The following STXBP6 variants were observed in gnomAD, a reference collection of about 807,000 sequenced individuals.
STXBP6 encodes the protein syntaxin-binding protein 6.
STXBP6 carries 21 observed loss-of-function variants against 26.9 expected under a neutral mutation model. That is an observed-to-expected ratio of 0.78 (90% confidence interval 0.55 to 1.12). The LOEUF is 1.12. STXBP6 is among the 50% of genes most tolerant of loss of function. STXBP6 has a pLI of 0.00. For missense variants in STXBP6, 232 were observed against 257.9 expected (o/e 0.90, Z 0.69); for synonymous variants, 97 against 92.6 (o/e 1.05, Z -0.27).
chr14:24,826,651 C>CA (rs1354591035), intron 4 of STXBP6, among the ~76,000 whole-genome samples: 2 of 152,138 alleles, frequency 1.3e-5, no homozygotes, highest in African/African-American at 2.4e-5. Context: ...TCCAGTTGGC[C>CA]ATGGGACCAC....
intron 4 of STXBP6, among the ~76,000 whole-genome samples, chr14:24,831,560 G>A (rs896627412): frequency 7.9e-5 from 12 of 152,154 alleles, no homozygotes; most frequent in African/African-American, 2.9e-4. Context: ...GAATGGTTTT[G>A]TACTAAGACA....
intron 1 of STXBP6, among the ~76,000 whole-genome samples, chr14:25,003,038 T>C (rs1786452355): frequency 6.6e-6 from 1 of 152,214 alleles, no homozygotes. Context: ...AATGTACAGA[T>C]TCTTAAATGT....
chr14:24,918,166 G>GA (rs1416822664), intron 2 of STXBP6, among the ~76,000 whole-genome samples: 1 of 151,904 alleles, frequency 6.6e-6, no homozygotes, highest in Non-Finnish European at 1.5e-5. Flanking sequence ...GGGTGGTGAT[G>GA]AAAAAAGTTA....
intron 4 of STXBP6, among the ~76,000 whole-genome samples, chr14:24,855,466 C>T (rs2069295923): frequency 6.6e-6 from 1 of 151,970 alleles, no homozygotes; most frequent in Non-Finnish European, 1.5e-5. Context: ...GCTCTGTATG[C>T]CATTCAAGGA....
At chr14:24,991,476 T>C (rs1455396489) in intron 1 of STXBP6, among the ~76,000 whole-genome samples, 1 of 152,166 alleles carries the variant, frequency 6.6e-6, no homozygotes, top group Admixed American at 6.5e-5. Context: ...TAATATGATG[T>C]TGTTAAGAGG....
intron 2 of STXBP6, among the ~76,000 whole-genome samples, chr14:24,961,990 C>G (rs1219252038): frequency 6.6e-6 from 1 of 152,132 alleles, no homozygotes; most frequent in East Asian, 1.9e-4. Context: ...TTAGAAGATG[C>G]AGATGTCTGA....
chr14:25,012,532 G>A (rs1456760960), intron 1 of STXBP6, among the ~76,000 whole-genome samples: 1 of 152,110 alleles, frequency 6.6e-6, no homozygotes, highest in African/African-American at 2.4e-5. Context: ...CCCAGGAGGT[G>A]GAGGTTGCAG....
intron 2 of STXBP6, among the ~76,000 whole-genome samples, chr14:24,915,008 T>G (rs1175123709): frequency 6.6e-6 from 1 of 152,160 alleles, no homozygotes; most frequent in Non-Finnish European, 1.5e-5. Context: ...TATCAAAAAG[T>G]TTGGTTCAAC....
chr14:25,047,766 T>G lies in STXBP6; in HGVS notation c.-33+2112A>C, dbSNP rs1426006840. ...AGTGATAATCTCACCTGTTCTTGCC[T>G]TCAATTGATACTGGCTTTTAATCTT... On this transcript the variant is annotated intron_variant, in intron 1 of 5. Transcript: ENST00000323944. 3.3e-5 allele frequency among the ~76,000 whole-genome samples: 5 copies of G among 152,356 alleles called. No individual in the cohort carries two copies. In the East Asian group the frequency reaches 9.6e-4, roughly 29 times the overall value.
chr14:24,970,016 C>T (rs1330044415), intron 2 of STXBP6, among the ~76,000 whole-genome samples: 1 of 152,022 alleles, frequency 6.6e-6, no homozygotes, highest in Non-Finnish European at 1.5e-5. Flanking sequence ...CTGAGGTGGA[C>T]GGATGGCCTG....
intron 2 of STXBP6, among the ~76,000 whole-genome samples, chr14:24,910,687 C>T (rs1485398005): frequency 6.6e-5 from 10 of 152,142 alleles, no homozygotes; most frequent in Admixed American, 6.5e-4. Flanking sequence ...GCTACTAAGA[C>T]CTAAGTTTAA....
intron 2 of STXBP6, among the ~76,000 whole-genome samples, chr14:24,882,256 G>A (rs370400537): frequency 5.4e-5 from 8 of 148,684 alleles, no homozygotes; most frequent in African/African-American, 2.5e-5. Context: ...GCGGGCGCCT[G>A]TAGTCCCAGC....
rs751551992 is a variant in STXBP6 at position 24,810,199 on chromosome 14, A to G, written c.*2510T>C. On this transcript the variant is annotated 3_prime_UTR_variant, in exon 6 of 6. Coordinates refer to ENST00000323944, the MANE Select transcript of STXBP6 (RefSeq NM_001394410.1). ...CTTCACAGAAATATAGTATCCCAAA[A>G]TTCATAGAGAAGTGCAGAAATGAAA... The G allele has an allele frequency of 6.6e-6, 1 of 152,256 alleles. No individual in the cohort carries two copies. The highest frequency in any genetic ancestry group is 1.5e-5 in the Non-Finnish European group (1 of 68,054). The allele number at this position is 152,256 out of a possible 1,614,324, so 9.4% of individuals were successfully genotyped here.
At chr14:25,041,636 A>G (rs1232455611) in intron 1 of STXBP6, among the ~76,000 whole-genome samples, 1 of 25,368 alleles carries the variant, frequency 3.9e-5, no homozygotes, top group Non-Finnish European at 7.0e-5. Context: ...TAGTCACCAG[A>G]GCGGTTATGG....
chr14:25,002,871 C>T (rs919761611), intron 1 of STXBP6, among the ~76,000 whole-genome samples: 5 of 151,826 alleles, frequency 3.3e-5, no homozygotes, highest in South Asian at 2.1e-4. Flanking sequence ...GTATTACAGG[C>T]GTGTGCCACC....
chr14:24,970,549 T>A (rs1311800282), intron 2 of STXBP6, among the ~76,000 whole-genome samples: 2 of 152,196 alleles, frequency 1.3e-5, no homozygotes, highest in African/African-American at 4.8e-5. Flanking sequence ...TTGCTACATA[T>A]ATTGGTAGTT....
In STXBP6 at chr14:24,976,196, A is replaced by G. The variant is rs138840954; in HGVS notation, c.-32-1346T>C. Among the ~76,000 whole-genome samples, 158 of 152,348 alleles carry G rather than the reference A, an allele frequency of 1.0e-3. 1 individual carries two copies. Among genetic ancestry groups the G allele is most frequent in the African/African-American group, 3.4e-3 (143 of 41,570 alleles). Reference sequence around the variant, plus strand: ...CATCAGAGGTTTCACTTAAATCCAGATAGTTTATAGTAAAAGATCACGGGA... The same window carrying G: ...CATCAGAGGTTTCACTTAAATCCAGGTAGTTTATAGTAAAAGATCACGGGA... On this transcript the variant is annotated intron_variant, in intron 1 of 5. Coordinates refer to ENST00000323944, the MANE Select transcript of STXBP6 (RefSeq NM_001394410.1).
chr14:24,884,392 C>A (rs191069875), intron 2 of STXBP6, among the ~76,000 whole-genome samples: 7 of 152,326 alleles, frequency 4.6e-5, no homozygotes, highest in African/African-American at 1.4e-4. Flanking sequence ...GTACCAACAT[C>A]TCCATTTCTG....
chr14:25,031,717 ATTTT>A (rs58317547), intron 1 of STXBP6, among the ~76,000 whole-genome samples: 1 of 141,066 alleles, frequency 7.1e-6, no homozygotes, highest in Non-Finnish European at 1.6e-5. Flanking sequence ...CTCCCAAGCA[ATTTT>A]TTTTTTTTTT....
Sources: gnomAD v4.1 joint callset for allele counts (sites outside exome capture counted in the v4.1 genomes callset) on GRCh38, gnomAD v4.1.1 for gene constraint, MANE v1.5 for transcripts, NCBI Gene and HGNC (gene_info 2026-07-23, HGNC 2026-07-21) for gene names.